The following VDR variants were observed in gnomAD, a reference collection of about 807,000 sequenced individuals.
VDR encodes vitamin D3 receptor.
A neutral mutation model predicts 39.7 loss-of-function variants in VDR; 19 were observed. The observed-to-expected ratio is 0.48, with a 90% CI of 0.33 to 0.70. The LOEUF (loss-of-function observed/expected upper bound fraction) is 0.70, where lower values mean the gene tolerates loss of function less well. VDR is among the 30% of genes least tolerant of loss of function. VDR has a pLI of 0.02. For missense variants in VDR, 442 were observed against 570.5 expected, an observed-to-expected ratio of 0.77 and a Z score of 2.29; for synonymous variants, 242 against 215.8, an observed-to-expected ratio of 1.12 and a Z score of -1.07.
chr12:47,865,102 G>A lies in VDR; in HGVS notation c.222C>T (p.Arg74=), dbSNP rs994275932. 1.9e-6 allele frequency: 3 copies of A among 1,613,884 alleles called. No individual in the cohort carries two copies. The highest frequency in any genetic ancestry group is 2.5e-6 in the Non-Finnish European group (3 of 1,179,856). ...GTTTGAGCCGGCAGGCCTGGCAGTG[G>A]CGTCGGTTGTCCTTGGTGATGCGGC... is the stretch of plus-strand genomic sequence containing the variant. ...GDCRITKDNR[R]HCQACRLKRC... The change falls in exon 4 of 10, where the codon CGC becomes CGT. Residue 74 remains arginine, a synonymous_variant. Coordinates refer to ENST00000549336, the MANE Select transcript of VDR (RefSeq NM_000376.3).
chr12:47,857,288 G>A, intron 5 of VDR, 39 bp from the exon 6 acceptor site: 2 of 1,613,808 alleles, frequency 1.2e-6, no homozygotes, highest in Non-Finnish European at 8.5e-7. Flanking sequence ...CACATTTTGG[G>A]GTTGCCTTCC....
At chr12:47,902,244 T>C (rs183554372) in intron 1 of VDR, among the ~76,000 whole-genome samples, 1 of 152,336 alleles carries the variant, frequency 6.6e-6, no homozygotes, top group East Asian at 1.9e-4. Flanking sequence ...ACACAGGCAC[T>C]CTTTCTAGCA....
At chr12:47,879,206 C>G in intron 2 of VDR, 91 bp from the exon 3 acceptor site, 2 of 1,424,622 alleles carry the variant, frequency 1.4e-6, no homozygotes, top group Middle Eastern at 2.5e-4. Flanking sequence ...CAGCCTCATC[C>G]CACCGCCCCC....
rs544764920 is a variant in VDR at position 47,860,056 on chromosome 12, G to A, written c.278-2368C>T. On this transcript the variant is annotated intron_variant, in intron 4 of 9. Transcript: ENST00000549336. ...CGGCTCACTGCAACCTCCACCTCCC[G>A]GGTTCTAAGCGATTCTCCTGCCTCA... Among the ~76,000 whole-genome samples the A allele has an allele frequency of 4.0e-3, 609 of 151,532 alleles. 3 individuals are homozygous for A. The highest frequency in any genetic ancestry group is 0.014 in the African/African-American group (587 of 41,248).
chr12:47,887,039 C>T lies in VDR; in HGVS notation c.-83-4265G>A, dbSNP rs189066192. On this transcript the variant is annotated intron_variant, in intron 1 of 9. Coordinates refer to ENST00000549336, the MANE Select transcript of VDR (RefSeq NM_000376.3). Reference sequence around the variant, plus strand: ...TAGAAAAAGGAGCCCTGGCCGGGCGCGGTGGCTCATGCCTGTAATCCCAGC... The same window carrying T: ...TAGAAAAAGGAGCCCTGGCCGGGCGTGGTGGCTCATGCCTGTAATCCCAGC... 2.5e-4 allele frequency among the ~76,000 whole-genome samples: 38 copies of T among 152,182 alleles called. No individual in the cohort carries two copies. In the East Asian group the frequency reaches 7.0e-3, roughly 28 times the overall value.
intron 4 of VDR, among the ~76,000 whole-genome samples, chr12:47,863,870 C>T (rs981426578): frequency 6.6e-6 from 1 of 152,202 alleles, no homozygotes; most frequent in Non-Finnish European, 1.5e-5. Flanking sequence ...CTCTGTGTCC[C>T]AACAACAGAT....
At chr12:47,875,078 G>A (rs1055882640) in intron 3 of VDR, among the ~76,000 whole-genome samples, 1 of 152,180 alleles carries the variant, frequency 6.6e-6, no homozygotes, top group Admixed American at 6.5e-5. Flanking sequence ...GAAATAGCTT[G>A]CAGGAGGAAT....
intron 3 of VDR, among the ~76,000 whole-genome samples, chr12:47,871,293 T>TCTTTCTTTCTTTCTTCCTTC (rs1293902896): frequency 3.5e-4 from 3 of 8,488 alleles, no homozygotes; most frequent in African/African-American, 8.7e-4. Context: ...TTTCTCTTTC[T>TCTTTCTTTCTTTCTTCCTTC]CTTTCTTTCT....
At chr12:47,868,167 C>A (rs963114118) in intron 3 of VDR, among the ~76,000 whole-genome samples, 3 of 152,228 alleles carry the variant, frequency 2.0e-5, no homozygotes, top group Non-Finnish European at 4.4e-5. Flanking sequence ...TTGTTTTCAA[C>A]CCCAGAAACT....
At chr12:47,901,958 C>T (rs994099318) in intron 1 of VDR, among the ~76,000 whole-genome samples, 6 of 152,184 alleles carry the variant, frequency 3.9e-5, no homozygotes, top group Non-Finnish European at 5.9e-5. Context: ...AGGGAAAAGA[C>T]GAGAATTGGC....
intron 1 of VDR, among the ~76,000 whole-genome samples, chr12:47,904,079 CGCATAGAGG>C (rs1224570873): frequency 6.8e-6 from 1 of 147,730 alleles, no homozygotes; most frequent in Non-Finnish European, 1.5e-5. Flanking sequence ...ACTCACCGCA[CGCATAGAGG>C]AGGAGGAGGA....
At chr12:47,889,260 C>A (rs946875851) in intron 1 of VDR, among the ~76,000 whole-genome samples, 2 of 152,034 alleles carry the variant, frequency 1.3e-5, no homozygotes, top group African/African-American at 4.8e-5. Context: ...GAGTCCAGTA[C>A]CCCCAATCGC....
intron 2 of VDR, 169 bp downstream of exon 2, chr12:47,882,524 CA>C (rs1946171133): frequency 2.4e-5 from 15 of 618,346 alleles, no homozygotes; most frequent in Non-Finnish European, 4.2e-5. Flanking sequence ...CCGCACCCCA[CA>C]CACTCATGCA....
At chr12:47,857,028 A>G in intron 6 of VDR, 101 bp downstream of exon 6, 1 of 1,568,504 alleles carries the variant, frequency 6.4e-7, no homozygotes. Flanking sequence ...AGTTTCCATT[A>G]GGGAGCCTTC....
chr12:47,882,648 G>GAA, intron 2 of VDR, 46 bp downstream of exon 2: 1 of 214,162 alleles, frequency 4.7e-6, no homozygotes, highest in Admixed American at 1.0e-4. Flanking sequence ...CCCGCCCCTT[G>GAA]AAAACAGAAA....
chr12:47,875,575 T>C (rs1485253357), intron 3 of VDR, among the ~76,000 whole-genome samples: 2 of 152,086 alleles, frequency 1.3e-5, no homozygotes, highest in African/African-American at 4.8e-5. Flanking sequence ...CCAAATAAAA[T>C]TTGGATGAAG....
intron 7 of VDR, among the ~76,000 whole-genome samples, chr12:47,850,715 C>T (rs535094191): frequency 6.6e-6 from 1 of 152,274 alleles, no homozygotes; most frequent in African/African-American, 2.4e-5. Context: ...TGATAGGCAC[C>T]AGCACAGCTC....
chr12:47,871,207 G>T (rs1555153432), intron 3 of VDR, among the ~76,000 whole-genome samples: 1 of 152,196 alleles, frequency 6.6e-6, no homozygotes, highest in Non-Finnish European at 1.5e-5. Flanking sequence ...GGTGGTTACT[G>T]CAGCTCTGTC....
At chr12:47,859,846 CT>C (rs1565614935) in intron 4 of VDR, among the ~76,000 whole-genome samples, 2 of 69,382 alleles carry the variant, frequency 2.9e-5, no homozygotes. Context: ...CTTTCCCTTC[CT>C]TCCTTCCTTC....
Sources: gnomAD v4.1 joint callset for allele counts (sites outside exome capture counted in the v4.1 genomes callset) on GRCh38, gnomAD v4.1.1 for gene constraint, MANE v1.5 for transcripts, NCBI Gene and HGNC (gene_info 2026-07-23, HGNC 2026-07-21) for gene names.